Variants in CSNK2A2IP observed in about 807,000 individuals in gnomAD.
CSNK2A2IP encodes the protein casein kinase II subunit alpha'-interacting protein.
the CSNK2A2IP span, among the ~76,000 whole-genome samples, chr3:88,432,711 AAAG>A: frequency 2.6e-5 from 4 of 151,108 alleles, no homozygotes; most frequent in Non-Finnish European, 4.4e-5. Flanking sequence ...TTTAAAATAA[AAAG>A]AAACTCTTGA....
chr3:88,442,872 G>A, the CSNK2A2IP span, among the ~76,000 whole-genome samples: 15 of 151,258 alleles, frequency 9.9e-5, no homozygotes, highest in East Asian at 1.7e-3. Context: ...TAAAGAAGAC[G>A]GGCTATAATA....
the CSNK2A2IP span, among the ~76,000 whole-genome samples, chr3:88,428,993 A>G: frequency 6.6e-6 from 1 of 150,938 alleles, no homozygotes; most frequent in Non-Finnish European, 1.5e-5. Flanking sequence ...AACATCTGTT[A>G]AAATTTTAGC....
chr3:88,387,094 T>C, the CSNK2A2IP span, among the ~76,000 whole-genome samples: 1 of 151,956 alleles, frequency 6.6e-6, no homozygotes, highest in Non-Finnish European at 1.5e-5. Flanking sequence ...AGTCATTTTA[T>C]ACTTTTGTTG....
At chr3:88,395,330 T>C in the CSNK2A2IP span, among the ~76,000 whole-genome samples, 1 of 152,228 alleles carries the variant, frequency 6.6e-6, no homozygotes, top group African/African-American at 2.4e-5. Context: ...CTATGATCCA[T>C]TTCAGGTAAT....
the CSNK2A2IP span, among the ~76,000 whole-genome samples, chr3:88,397,432 T>C: frequency 6.6e-6 from 1 of 152,168 alleles, no homozygotes; most frequent in African/African-American, 2.4e-5. Context: ...TCTATAAAAT[T>C]ACTATTATTA....
chr3:88,467,478 TAAAAC>T, the CSNK2A2IP span: 1 of 398,540 alleles, frequency 2.5e-6, no homozygotes, highest in Non-Finnish European at 4.4e-6. Context: ...CATCATCTCT[TAAAAC>T]AAAGCCTGTG....
the CSNK2A2IP span, among the ~76,000 whole-genome samples, chr3:88,421,641 T>C: frequency 1.3e-5 from 2 of 152,140 alleles, no homozygotes; most frequent in Non-Finnish European, 1.5e-5. Context: ...GGTCTCGAAC[T>C]CCTAACCTCA....
the CSNK2A2IP span, among the ~76,000 whole-genome samples, chr3:88,370,598 T>TTCTTTC: frequency 7.8e-6 from 1 of 128,906 alleles, no homozygotes; most frequent in East Asian, 2.1e-4. Flanking sequence ...CTTTCTTTCT[T>TTCTTTC]TCTCTCTCTC....
At chr3:88,407,812 C>T in the CSNK2A2IP span, among the ~76,000 whole-genome samples, 323 of 152,162 alleles carry the variant, frequency 2.1e-3, no homozygotes, top group Non-Finnish European at 3.4e-3. Context: ...CAACCTCCGC[C>T]TCCCAGGTTC....
chr3:88,403,446 C>T, the CSNK2A2IP span, among the ~76,000 whole-genome samples: 1 of 152,068 alleles, frequency 6.6e-6, no homozygotes, highest in Non-Finnish European at 1.5e-5. Context: ...GAATATCTTA[C>T]TCATTGATAC....
At chr3:88,461,083 G>C in the CSNK2A2IP span, among the ~76,000 whole-genome samples, 1 of 86,754 alleles carries the variant, frequency 1.2e-5, no homozygotes, top group South Asian at 4.6e-4. Flanking sequence ...GTGAAACTCC[G>C]TCTCAAAAAA....
chr3:88,410,157 G>T, the CSNK2A2IP span, among the ~76,000 whole-genome samples: 5,065 of 151,994 alleles, frequency 0.033, 337 homozygotes, highest in African/African-American at 0.11. Flanking sequence ...GGAAAATGTG[G>T]CTCACTGAGC....
At chr3:88,426,899 C>CGGGGG in the CSNK2A2IP span, among the ~76,000 whole-genome samples, 1 of 96,690 alleles carries the variant, frequency 1.0e-5, no homozygotes, top group African/African-American at 3.6e-5. Flanking sequence ...TGGGGGGGGG[C>CGGGGG]GGTGGGGTGT....
the CSNK2A2IP span, among the ~76,000 whole-genome samples, chr3:88,425,119 T>C: frequency 6.6e-6 from 1 of 152,152 alleles, no homozygotes; most frequent in African/African-American, 2.4e-5. Context: ...ATCTTAACTA[T>C]TATGTAATTA....
chr3:88,458,819 A>G, the CSNK2A2IP span, among the ~76,000 whole-genome samples: 14 of 152,260 alleles, frequency 9.2e-5, no homozygotes, highest in South Asian at 1.4e-3. Flanking sequence ...TCTGGTATTA[A>G]TTTATTATTT....
the CSNK2A2IP span, among the ~76,000 whole-genome samples, chr3:88,365,603 G>A: frequency 6.6e-6 from 1 of 152,084 alleles, no homozygotes; most frequent in Non-Finnish European, 1.5e-5. Context: ...CTGGGTCTTG[G>A]TCATGTATCC....
chr3:88,425,226 CTT>C, the CSNK2A2IP span, among the ~76,000 whole-genome samples: 1 of 151,978 alleles, frequency 6.6e-6, no homozygotes, highest in Non-Finnish European at 1.5e-5. Flanking sequence ...ATAAGGTTGA[CTT>C]ATATTTGAAA....
the CSNK2A2IP span, among the ~76,000 whole-genome samples, chr3:88,361,421 T>G: frequency 6.6e-6 from 1 of 152,356 alleles, no homozygotes; most frequent in African/African-American, 2.4e-5. Flanking sequence ...TCTTCAGCAC[T>G]TTGAATATGT....
At chr3:88,357,387 G>A in the CSNK2A2IP span, among the ~76,000 whole-genome samples, 2 of 152,020 alleles carry the variant, frequency 1.3e-5, no homozygotes, top group Non-Finnish European at 2.9e-5. Flanking sequence ...GACTTTAAAT[G>A]TATTATTTTA....
Sources: gnomAD v4.1 joint callset for allele counts (sites outside exome capture counted in the v4.1 genomes callset) on GRCh38, gnomAD v4.1.1 for gene constraint, MANE v1.5 for transcripts, NCBI Gene and HGNC (gene_info 2026-07-23, HGNC 2026-07-21) for gene names.